The following CEP135 variants were observed in gnomAD, a reference collection of about 807,000 sequenced individuals.
CEP135 encodes centrosomal protein of 135 kDa.
A neutral mutation model predicts 157.3 loss-of-function variants in CEP135; 142 were observed. The ratio of observed to expected loss-of-function variants is 0.90; its 90% CI spans 0.79 to 1.04. The LOEUF is 1.04. CEP135 is among the 50% of genes least tolerant of loss of function. CEP135 has a pLI of 0.00. For synonymous variants in CEP135, 396 were observed against 439.8 expected (o/e 0.90, Z 1.25); for missense variants, 1,317 against 1,309.2 (o/e 1.01, Z -0.09).
At chr4:56,013,324 A>G (rs1730656825) in intron 21 of CEP135, among the ~76,000 whole-genome samples, 1 of 152,102 alleles carries the variant, frequency 6.6e-6, no homozygotes, top group Non-Finnish European at 1.5e-5. Flanking sequence ...ATTTTCTCCC[A>G]TTGTGTGGGT....
intron 25 of CEP135, 22 bp downstream of exon 25, chr4:56,024,636 C>A: frequency 7.0e-7 from 1 of 1,429,454 alleles, no homozygotes; most frequent in Non-Finnish European, 9.9e-7. Context: ...ACACCAAGGA[C>A]AGGCAAAACT....
At chr4:56,013,887 T>G (rs1366941674) in intron 21 of CEP135, among the ~76,000 whole-genome samples, 1 of 152,144 alleles carries the variant, frequency 6.6e-6, no homozygotes, top group Admixed American at 6.5e-5. Context: ...CGGATTAGGG[T>G]TAGACCCTAA....
intron 14 of CEP135, among the ~76,000 whole-genome samples, chr4:55,990,063 TC>T: frequency 6.6e-6 from 1 of 152,224 alleles, no homozygotes. Flanking sequence ...TGATCCATCT[TC>T]TTTTTTCTTG....
intron 24 of CEP135, among the ~76,000 whole-genome samples, chr4:56,021,779 C>G (rs1422604276): frequency 2.0e-5 from 3 of 152,206 alleles, no homozygotes; most frequent in African/African-American, 7.2e-5. Context: ...AATCCCAGCA[C>G]TTTGGGAGGC....
At chr4:56,024,472 T>G in intron 24 of CEP135, 29 bp from the exon 25 acceptor site, 1 of 1,548,554 alleles carries the variant, frequency 6.5e-7, no homozygotes, top group Non-Finnish European at 8.9e-7. Context: ...TGCTTGAATA[T>G]ATCTCTCTTG....
chr4:56,009,399 T>A (rs1384354445), intron 18 of CEP135, among the ~76,000 whole-genome samples: 1 of 152,160 alleles, frequency 6.6e-6, no homozygotes, highest in African/African-American at 2.4e-5. Flanking sequence ...CCTGACCTCA[T>A]GATCTGCCCG....
chr4:55,977,276 T>G (rs1729255653), intron 11 of CEP135, among the ~76,000 whole-genome samples: 1 of 152,168 alleles, frequency 6.6e-6, no homozygotes, highest in African/African-American at 2.4e-5. Flanking sequence ...AGAAAAAAAT[T>G]GACATTTTTT....
chr4:55,988,931 A>AC (rs1274009558), intron 14 of CEP135, among the ~76,000 whole-genome samples: 2 of 150,886 alleles, frequency 1.3e-5, no homozygotes, highest in African/African-American at 4.9e-5. Context: ...ACGCCACTGC[A>AC]CTCCAGCCTG....
At chr4:55,980,389 G>A in intron 12 of CEP135, 94 bp downstream of exon 12, 3 of 699,530 alleles carry the variant, frequency 4.3e-6, no homozygotes, top group Non-Finnish European at 6.7e-6. Flanking sequence ...TATAATATAT[G>A]GACCTGTGAT....
chr4:55,980,813 C>T (rs1384447919), intron 12 of CEP135, among the ~76,000 whole-genome samples: 5 of 152,152 alleles, frequency 3.3e-5, no homozygotes, highest in Non-Finnish European at 1.5e-5. Context: ...ATACCCATCT[C>T]CCATGAAATC....
intron 25 of CEP135, among the ~76,000 whole-genome samples, chr4:56,030,137 C>T (rs966761456): frequency 6.6e-6 from 1 of 152,200 alleles, no homozygotes; most frequent in African/African-American, 2.4e-5. Context: ...CCTGCCTCTA[C>T]ATGGTGCCCC....
intron 24 of CEP135, among the ~76,000 whole-genome samples, chr4:56,023,148 G>A (rs1037436317): frequency 3.3e-5 from 5 of 151,998 alleles, no homozygotes; most frequent in Non-Finnish European, 5.9e-5. Flanking sequence ...CGGGAGGATC[G>A]CTTGAGCCCA....
At chr4:55,964,193 A>G in intron 6 of CEP135, 81 bp from the exon 7 acceptor site, 1 of 1,342,838 alleles carries the variant, frequency 7.4e-7, no homozygotes, top group Non-Finnish European at 1.0e-6. Context: ...AAGAAAATAT[A>G]TCCAAATAAA....
rs1324649550 is a variant in CEP135, at chr4:55,980,217, A to G, written c.1548A>G (p.Glu516=). 1 of 1,597,138 alleles carries G rather than the reference A, an allele frequency of 6.3e-7. No homozygotes were observed. The highest frequency in any genetic ancestry group is 8.6e-7 in the Non-Finnish European group (1 of 1,165,230). ...DELQRMLERF[E]KYMEDIQSNV... ...TTCAGCGTATGCTAGAAAGATTTGA[A>G]AAATATATGGAAGATATACAGTCCA... Residue 516 remains glutamate (E), a synonymous_variant, in exon 12 of 26, where the codon GAA becomes GAG. Transcript: ENST00000257287.
At chr4:56,012,079 A>T in intron 21 of CEP135, 94 bp downstream of exon 21, 1 of 844,828 alleles carries the variant, frequency 1.2e-6, no homozygotes, top group African/African-American at 1.8e-5. Context: ...TTTTTTTGAG[A>T]TGAAGTCTGA....
At position 55,965,869 on chromosome 4, in the gene CEP135, G is replaced by C; in HGVS notation, c.1044+10G>C. Reference sequence around the variant, plus strand: ...GCTTGGGGAAGCAAAGGTAATGAATGATATGTGTAGATTGTGAGAGTGTTC... The same window carrying C: ...GCTTGGGGAAGCAAAGGTAATGAATCATATGTGTAGATTGTGAGAGTGTTC... On this transcript the variant is annotated intron_variant, in intron 8 of 25. Coordinates refer to ENST00000257287, the MANE Select transcript of CEP135 (RefSeq NM_025009.5). The C allele has an allele frequency of 1.9e-6, 3 of 1,592,516 alleles. No individual in the cohort carries two copies. Among genetic ancestry groups the C allele is most frequent in the Non-Finnish European group, 2.6e-6 (3 of 1,162,186 alleles).
At chr4:56,016,788 C>T (rs1227896525) in intron 21 of CEP135, among the ~76,000 whole-genome samples, 1 of 151,982 alleles carries the variant, frequency 6.6e-6, no homozygotes, top group East Asian at 1.9e-4. Context: ...TGATCTCCCG[C>T]CTCAGCCTCC....
Position 55,949,023 on chromosome 4 carries a change from C to T in CEP135, c.-82C>T. 1 of 153,448 alleles carries T rather than the reference C, an allele frequency of 6.5e-6. No individual in the cohort carries two copies. The highest frequency in any genetic ancestry group is 1.4e-5 in the Non-Finnish European group (1 of 68,988). The allele number at this position is 153,448 out of a possible 1,614,324, so 9.5% of individuals were successfully genotyped here. A position where few individuals can be genotyped will look rare whatever the true frequency, so the allele number is the denominator to read the frequency against. ...GGGGACTCGAGGCCTGAGGGCAATG[C>T]GGCTGGAGGCGGAGGCAACGGCGGC... On this transcript the variant is annotated 5_prime_UTR_variant, in exon 1 of 26. Transcript: ENST00000257287.
chr4:56,019,483 A>G lies in CEP135; in HGVS notation c.3143A>G (p.His1048Arg). The change falls in exon 23 of 26, where the codon CAC becomes CGC. Residue 1048 changes from histidine to arginine, a missense_variant. By Grantham distance (29) the His-to-Arg change is conservative (BLOSUM62 0). Transcript: ENST00000257287. ...AACAGAGATAAAGAATTTCATTCTCACTTAACCTCCCACGAGAAGGATACA... is the reference window on the plus strand; with the variant it reads ...AACAGAGATAAAGAATTTCATTCTCGCTTAACCTCCCACGAGAAGGATACA... ...ATNRDKEFHS[H>R]LTSHEKDTEI... 1 of 1,614,062 alleles carries G rather than the reference A, an allele frequency of 6.2e-7. No individual in the cohort carries two copies. Among genetic ancestry groups the G allele is most frequent in the Non-Finnish European group, 8.5e-7 (1 of 1,179,964 alleles).
Sources: gnomAD v4.1 joint callset for allele counts (sites outside exome capture counted in the v4.1 genomes callset) on GRCh38, gnomAD v4.1.1 for gene constraint, MANE v1.5 for transcripts, NCBI Gene and HGNC (gene_info 2026-07-23, HGNC 2026-07-21) for gene names.